AVL9: variants seen among roughly 807,000 people sequenced by gnomAD.
AVL9 encodes AVL9 cell migration associated.
AVL9 carries 49 observed loss-of-function variants against 79.2 expected under a neutral mutation model. That is an observed-to-expected ratio of 0.62 (90% CI 0.49 to 0.79). AVL9 has a LOEUF of 0.79. Among genes scored for constraint, AVL9 ranks in the 30% least tolerant of loss-of-function variants. The pLI is 0.00. For missense variants in AVL9, 682 were observed against 776.8 expected, an observed-to-expected ratio of 0.88 and a Z score of 1.45; for synonymous variants, 299 against 280.6, an observed-to-expected ratio of 1.07 and a Z score of -0.65.
At chr7:32,548,156 T>TTTTCTTTTTGTTTTTTTTTG (rs1554340944) in intron 3 of AVL9, among the ~76,000 whole-genome samples, 7 of 32,438 alleles carry the variant, frequency 2.2e-4, no homozygotes, top group Non-Finnish European at 3.1e-4. Flanking sequence ...TTTTTCTTTT[T>TTTTCTTTTTGTTTTTTTTTG]TTTTTTTTTG....
At chr7:32,538,470 A>T (rs1007637199) in intron 1 of AVL9, 1 of 152,252 alleles carries the variant, frequency 6.6e-6, no homozygotes, top group Non-Finnish European at 1.5e-5. Flanking sequence ...TGTGGCTAAA[A>T]AAAGCAATGC....
intron 1 of AVL9, among the ~76,000 whole-genome samples, chr7:32,505,083 A>G (rs759455514): frequency 6.7e-6 from 1 of 150,368 alleles, no homozygotes; most frequent in African/African-American, 2.4e-5. Context: ...CATGTTGGCC[A>G]GGCTGGTCTC....
At chr7:32,516,900 T>C (rs1370022109) in intron 1 of AVL9, among the ~76,000 whole-genome samples, 1 of 152,174 alleles carries the variant, frequency 6.6e-6, no homozygotes, top group East Asian at 1.9e-4. Flanking sequence ...TTTATGGTCT[T>C]TTTGTGCACA....
At position 32,564,180 on chromosome 7, in the gene AVL9, G is replaced by A. The variant is rs140726444; in HGVS notation, c.1215+4716G>A. ...GTCTTGTCAATAAAGCATGTTTAGC[G>A]GAATATTAGATTTGTGTGCCGTATA... is the stretch of plus-strand genomic sequence containing the variant. On this transcript the variant is annotated intron_variant, in intron 10 of 15. Coordinates refer to ENST00000318709, the MANE Select transcript of AVL9 (RefSeq NM_015060.3). Among the ~76,000 whole-genome samples the A allele has an allele frequency of 1.9e-3, 290 of 152,238 alleles. 1 individual carries two copies. Among genetic ancestry groups the A allele is most frequent in the African/African-American group, 6.7e-3 (279 of 41,530 alleles).
Position 32,495,690 on chromosome 7 carries a change from C to G in AVL9, c.-20C>G. The G allele has an allele frequency of 5.6e-6, 7 of 1,252,540 alleles. No individual in the cohort carries two copies. Among genetic ancestry groups the G allele is most frequent in the Non-Finnish European group, 7.1e-6 (7 of 988,760 alleles). 77.6% of individuals were successfully genotyped at this position (1,252,540 alleles called of 1,614,324 possible). A position where few individuals can be genotyped will look rare whatever the true frequency, so the allele number is the denominator to read the frequency against. On this transcript the variant is annotated 5_prime_UTR_variant, in exon 1 of 16. Coordinates refer to ENST00000318709, the MANE Select transcript of AVL9 (RefSeq NM_015060.3). ...GCCCTTGGCGGTCGAAGTCGTCGTGCGGGCCCGCGGCGGCCGCCCATGGAG... is the reference window on the plus strand; with the variant it reads ...GCCCTTGGCGGTCGAAGTCGTCGTGGGGGCCCGCGGCGGCCGCCCATGGAG...
At position 32,516,627 on chromosome 7, in the gene AVL9, A is replaced by G. The variant is rs936546858; in HGVS notation, c.93+20825A>G. Among the ~76,000 whole-genome samples, 42 of 152,274 alleles carry G rather than the reference A, an allele frequency of 2.8e-4. 1 individual carries two copies. The highest frequency in any genetic ancestry group is 1.5e-4 in the Non-Finnish European group (10 of 68,018). Reference sequence around the variant, plus strand: ...AAAGGCTTGTCCAAGAAATGAATATAGGAGCTGGTCATTCCATGCTTTGAG... The same window carrying G: ...AAAGGCTTGTCCAAGAAATGAATATGGGAGCTGGTCATTCCATGCTTTGAG... On this transcript the variant is annotated intron_variant, in intron 1 of 15. Coordinates refer to ENST00000318709, the MANE Select transcript of AVL9 (RefSeq NM_015060.3).
At chr7:32,542,669 G>A (rs938849356) in intron 1 of AVL9, among the ~76,000 whole-genome samples, 16 of 152,194 alleles carry the variant, frequency 1.1e-4, no homozygotes, top group African/African-American at 3.9e-4. Context: ...TCAAGTGGCA[G>A]CTTGATTTCA....
intron 15 of AVL9, among the ~76,000 whole-genome samples, chr7:32,583,093 T>A (rs140893162): frequency 1.4e-3 from 211 of 152,294 alleles, no homozygotes; most frequent in African/African-American, 5.0e-3. Flanking sequence ...AAAAGCACAT[T>A]TCCCTACAAC....
Position 32,507,789 on chromosome 7 carries a change from T to A in AVL9, c.93+11987T>A, listed in dbSNP as rs370392077. On this transcript the variant is annotated intron_variant, in intron 1 of 15. Transcript: ENST00000318709. ...AGTGGAATTGATGGATTATAGGGAA[T>A]ACCTGTCTTCGCTTTTAGTAGATAT... Among the ~76,000 whole-genome samples, 14 of 152,368 alleles carry A rather than the reference T, an allele frequency of 9.2e-5. 1 individual carries two copies. The East Asian group carries it at 1.9e-3, about 21-fold the overall frequency.
chr7:32,541,153 G>A (rs1336765930), intron 1 of AVL9, among the ~76,000 whole-genome samples: 1 of 151,718 alleles, frequency 6.6e-6, no homozygotes, highest in African/African-American at 2.4e-5. Context: ...CGCCCGCCTC[G>A]GCCTCCCAAA....
chr7:32,585,992 G>T lies in AVL9; in HGVS notation c.*2085G>T, dbSNP rs962917463. On this transcript the variant is annotated 3_prime_UTR_variant, in exon 16 of 16. Transcript: ENST00000318709. ...CAATTGTTACCTCTCAGCTGCTGAA[G>T]TTCACACTTCAAGGATCTAGGAGCT... 1 of 152,180 alleles carries T rather than the reference G, an allele frequency of 6.6e-6. No homozygotes were observed. The highest frequency in any genetic ancestry group is 1.5e-5 in the Non-Finnish European group (1 of 68,034). The allele number at this position is 152,180 out of a possible 1,614,324, so 9.4% of individuals were successfully genotyped here. A position where few individuals can be genotyped will look rare whatever the true frequency, so the allele number is the denominator to read the frequency against.
At chr7:32,511,219 A>AGGGG (rs1787656253) in intron 1 of AVL9, among the ~76,000 whole-genome samples, 1 of 124,484 alleles carries the variant, frequency 8.0e-6, no homozygotes, top group Admixed American at 8.3e-5. Context: ...GGTGAGATTC[A>AGGGG]TGAGCCATCA....
chr7:32,521,924 G>T (rs1484536895), intron 1 of AVL9, among the ~76,000 whole-genome samples: 1 of 152,228 alleles, frequency 6.6e-6, no homozygotes, highest in Non-Finnish European at 1.5e-5. Flanking sequence ...GTACAGCTCA[G>T]GTTGTGGCCT....
chr7:32,550,488 A>G (rs888416536), intron 4 of AVL9, among the ~76,000 whole-genome samples: 13 of 152,206 alleles, frequency 8.5e-5, no homozygotes, highest in African/African-American at 2.9e-4. Context: ...CTATGTATAA[A>G]TATAAATGAT....
chr7:32,501,701 T>A (rs1369684340), intron 1 of AVL9, among the ~76,000 whole-genome samples: 1 of 152,252 alleles, frequency 6.6e-6, no homozygotes, highest in Non-Finnish European at 1.5e-5. Flanking sequence ...TCCTCCCAGC[T>A]AGCAAGAATG....
At chr7:32,542,133 G>A (rs1244188984) in intron 1 of AVL9, among the ~76,000 whole-genome samples, 1 of 151,270 alleles carries the variant, frequency 6.6e-6, no homozygotes, top group Non-Finnish European at 1.5e-5. Context: ...AGCAGGGACT[G>A]GGTAGCTGGG....
rs1237839460 is a variant in AVL9 at position 32,581,607 on chromosome 7, G to A, written c.1831+717G>A. ...AGCACTTTGGGAGGCTGAGGTGAGA[G>A]GATTGCTTGAGTCCAGGAGTTCAAG... On this transcript the variant is annotated intron_variant, in intron 15 of 15. Coordinates refer to ENST00000318709, the MANE Select transcript of AVL9 (RefSeq NM_015060.3). 3 of 152,294 alleles carry A rather than the reference G, an allele frequency of 2.0e-5. No homozygotes were observed. The East Asian group carries it at 5.8e-4, about 29-fold the overall frequency. 9.4% of individuals were successfully genotyped at this position (152,294 alleles called of 1,614,324 possible). A position where few individuals can be genotyped will look rare whatever the true frequency, so the allele number is the denominator to read the frequency against.
intron 2 of AVL9, among the ~76,000 whole-genome samples, chr7:32,544,419 G>A (rs146711812): frequency 6.8e-4 from 104 of 152,216 alleles, no homozygotes; most frequent in African/African-American, 2.2e-3. Flanking sequence ...CATCTAGAAC[G>A]ATTCCCTAAA....
chr7:32,544,874 T>C, intron 3 of AVL9, 95 bp downstream of exon 3: 1 of 840,624 alleles, frequency 1.2e-6, no homozygotes, highest in Non-Finnish European at 1.9e-6. Context: ...GCCTGTAATG[T>C]TGTTTTAGAT....
Sources: gnomAD v4.1 joint callset for allele counts (sites outside exome capture counted in the v4.1 genomes callset) on GRCh38, gnomAD v4.1.1 for gene constraint, MANE v1.5 for transcripts, NCBI Gene and HGNC (gene_info 2026-07-23, HGNC 2026-07-21) for gene names.